ICA1: variants seen among roughly 807,000 people sequenced by gnomAD.
ICA1 encodes islet cell autoantigen 1.
In ICA1, 40 loss-of-function variants were observed where a neutral mutation model predicts 71.0. That is an observed-to-expected ratio of 0.56 (90% CI 0.44 to 0.73). The LOEUF is 0.73. Among genes scored for constraint, ICA1 ranks in the 30% least tolerant of loss-of-function variants. ICA1 has a pLI of 0.00. For synonymous variants in ICA1, 207 were observed against 209.5 expected, an observed-to-expected ratio of 0.99 and a Z score of 0.10; for missense variants, 578 against 576.5, an observed-to-expected ratio of 1.00 and a Z score of -0.03.
In ICA1 at chr7:8,135,657, T is replaced by C. The variant is rs140690410; in HGVS notation, c.1060+3183A>G. Reference sequence around the variant, plus strand: ...GGCTAAAAGTTTTCACCCACACCTATGGTACCTACTGAATGAGCTATTATT... The same window carrying C: ...GGCTAAAAGTTTTCACCCACACCTACGGTACCTACTGAATGAGCTATTATT... On this transcript the variant is annotated intron_variant, in intron 12 of 13. Coordinates refer to ENST00000402384, the MANE Select transcript of ICA1 (RefSeq NM_001136020.3). Among the ~76,000 whole-genome samples the C allele has an allele frequency of 4.9e-3, 744 of 152,320 alleles. 7 individuals carry two copies. The highest frequency in any genetic ancestry group is 0.017 in the African/African-American group (705 of 41,574).
rs1011360553 is a variant in ICA1, at chr7:8,232,445, A to G, written c.183+145T>C. Reference sequence around the variant, plus strand: ...TGTGAGAATTTGCAGGTTTTAATAAATATGCTGGGATTGAGTTTACCTAAT... The same window carrying G: ...TGTGAGAATTTGCAGGTTTTAATAAGTATGCTGGGATTGAGTTTACCTAAT... On this transcript the variant is annotated intron_variant, in intron 3 of 13. Transcript: ENST00000402384. 1.1e-5 allele frequency: 6 copies of G among 564,286 alleles called. No homozygotes were observed. In the African/African-American group the frequency reaches 1.2e-4, roughly 11 times the overall value. 35.0% of individuals were successfully genotyped at this position (564,286 alleles called of 1,614,324 possible). A position where few individuals can be genotyped will look rare whatever the true frequency, so the allele number is the denominator to read the frequency against.
intron 6 of ICA1, among the ~76,000 whole-genome samples, chr7:8,208,039 A>C (rs1792244196): frequency 6.6e-6 from 1 of 152,226 alleles, no homozygotes; most frequent in African/African-American, 2.4e-5. Context: ...AAAATAATTC[A>C]ATCATTAAAA....
intron 6 of ICA1, among the ~76,000 whole-genome samples, chr7:8,205,816 A>G (rs946109640): frequency 2.6e-5 from 4 of 151,554 alleles, no homozygotes; most frequent in African/African-American, 9.7e-5. Context: ...AGCACATTAA[A>G]CAGCATGAAT....
At position 8,194,282 on chromosome 7, in the gene ICA1, G is replaced by T. The variant is rs181577129; in HGVS notation, c.579+24023C>A. ...ATCTTTGGGGCGGTGGGGTTGGAGA[G>T]ACCAAATGTAATAAATGTTAATATC... On this transcript the variant is annotated intron_variant, in intron 6 of 13. Coordinates refer to ENST00000402384, the MANE Select transcript of ICA1 (RefSeq NM_001136020.3). Among the ~76,000 whole-genome samples the T allele has an allele frequency of 2.5e-3, 388 of 152,216 alleles. 7 individuals carry two copies. The highest frequency in any genetic ancestry group is 2.9e-4 in the Non-Finnish European group (20 of 68,014).
chr7:8,195,577 CA>C (rs1787185249), intron 6 of ICA1, among the ~76,000 whole-genome samples: 1 of 148,862 alleles, frequency 6.7e-6, no homozygotes, highest in South Asian at 2.1e-4. Flanking sequence ...AAAACAAAAA[CA>C]AAAACAAAAT....
intron 6 of ICA1, among the ~76,000 whole-genome samples, chr7:8,162,697 C>T (rs536963895): frequency 2.0e-5 from 3 of 152,080 alleles, no homozygotes; most frequent in South Asian, 4.1e-4. Flanking sequence ...AATAAATGTA[C>T]CCTTTATTTC....
rs528795754 is a variant in ICA1, at chr7:8,148,048, GCATCCTGTCTAGGACTGGTTCC to G, written c.805-4098_805-4077del. Among the ~76,000 whole-genome samples, 41 of 152,214 alleles carry G rather than the reference GCATCCTGTCTAGGACTGGTTCC, an allele frequency of 2.7e-4. No homozygotes were observed. In the East Asian group the frequency reaches 7.5e-3, roughly 28 times the overall value. On this transcript the variant is annotated intron_variant, in intron 8 of 13. Transcript: ENST00000402384. Reference sequence around the variant, plus strand: ...TGTCGGTGCGACCTGCTACGGGGTGGCATCCTGTCTAGGACTGGTTCCCATCCTGTGTCCTGAGCTGCTGGGA... The same window carrying G: ...TGTCGGTGCGACCTGCTACGGGGTGGCATCCTGTGTCCTGAGCTGCTGGGA...
At chr7:8,121,902 ATTAAAAG>A (rs1787110965) in intron 13 of ICA1, among the ~76,000 whole-genome samples, 1 of 152,222 alleles carries the variant, frequency 6.6e-6, no homozygotes, top group African/African-American at 2.4e-5. Flanking sequence ...TCCCACAGAA[ATTAAAAG>A]TTAAAATAAA....
intron 6 of ICA1, among the ~76,000 whole-genome samples, chr7:8,194,925 T>C (rs1302403690): frequency 6.6e-6 from 1 of 152,116 alleles, no homozygotes; most frequent in African/African-American, 2.4e-5. Flanking sequence ...GTTGAAATAA[T>C]AAAGCATTAA....
Position 8,234,493 on chromosome 7 carries a change from G to A in ICA1, c.17+1417C>T, listed in dbSNP as rs920757608. On this transcript the variant is annotated intron_variant, in intron 2 of 13. Coordinates refer to ENST00000402384, the MANE Select transcript of ICA1 (RefSeq NM_001136020.3). This position sits in a 1 kb window ranked among gnomAD's most constrained non-coding sequence, Gnocchi z 4.5. ...AAATGTGCCAGGCTTGTGCTGAAACGTGAGTTTGTTTATATGACTATATCA... is the reference window on the plus strand; with the variant it reads ...AAATGTGCCAGGCTTGTGCTGAAACATGAGTTTGTTTATATGACTATATCA... Among the ~76,000 whole-genome samples, 10 of 135,344 alleles carry A rather than the reference G, an allele frequency of 7.4e-5. No homozygotes were observed. Among genetic ancestry groups the A allele is most frequent in the East Asian group, 5.9e-4 (3 of 5,076 alleles). The allele number at this position is 135,344 out of a possible 152,430, so 88.8% of individuals were successfully genotyped here. A position where few individuals can be genotyped will look rare whatever the true frequency, so the allele number is the denominator to read the frequency against.
At chr7:8,239,268 A>G (rs1802923710) in intron 1 of ICA1, among the ~76,000 whole-genome samples, 2 of 152,224 alleles carry the variant, frequency 1.3e-5, no homozygotes, top group African/African-American at 4.8e-5. Context: ...CAGCATTTAA[A>G]TTGCTACTTT....
intron 8 of ICA1, among the ~76,000 whole-genome samples, chr7:8,154,892 C>T (rs938089741): frequency 2.0e-5 from 3 of 152,126 alleles, no homozygotes; most frequent in East Asian, 1.9e-4. Flanking sequence ...TGAGTTGTAT[C>T]GTAACAGGAT....
chr7:8,250,454 A>C (rs1359853794), intron 1 of ICA1, among the ~76,000 whole-genome samples: 1 of 152,228 alleles, frequency 6.6e-6, no homozygotes, highest in Non-Finnish European at 1.5e-5. Context: ...GCTAGGTATT[A>C]ATTAAAGTAA....
intron 13 of ICA1, among the ~76,000 whole-genome samples, chr7:8,119,702 C>T (rs1051115207): frequency 3.9e-5 from 6 of 152,168 alleles, no homozygotes; most frequent in East Asian, 1.9e-4. Flanking sequence ...AAAAATTAGC[C>T]GGGTGTGGTG....
chr7:8,126,062 G>A (rs969053579), intron 13 of ICA1, among the ~76,000 whole-genome samples: 1 of 152,226 alleles, frequency 6.6e-6, no homozygotes, highest in African/African-American at 2.4e-5. Context: ...CTCAGGAAGT[G>A]GGCGAGGAGC....
intron 1 of ICA1, among the ~76,000 whole-genome samples, chr7:8,243,063 T>C (rs567019681): frequency 1.4e-4 from 21 of 152,342 alleles, no homozygotes; most frequent in African/African-American, 5.1e-4. Flanking sequence ...TTAACTCATT[T>C]TATGAGGCCA....
At chr7:8,178,265 CA>C (rs1332950684) in intron 6 of ICA1, among the ~76,000 whole-genome samples, 4 of 152,258 alleles carry the variant, frequency 2.6e-5, no homozygotes, top group Admixed American at 6.5e-5. Context: ...TCTTGATTCC[CA>C]AAGTCTGATC....
At position 8,113,950 on chromosome 7, in the gene ICA1, A is replaced by G; in HGVS notation, c.1425T>C (p.Asp475=). The change falls in exon 14 of 14, where the codon GAT becomes GAC. Residue 475 remains aspartate (D), a synonymous_variant. Transcript: ENST00000402384. This position sits in a 1 kb window ranked among gnomAD's most constrained non-coding sequence, Gnocchi z 4.2. The part of the protein sequence containing the change: ...LSNPDAVGKT[D]KEHELLNA ...ATGCATTGAGCAATTCGTGTTCTTT[A>G]TCGGTTTTCCCAACAGCATCAGGAT... 2 of 1,614,120 alleles carry G rather than the reference A, an allele frequency of 1.2e-6. No homozygotes were observed. The highest frequency in any genetic ancestry group is 2.2e-5 in the South Asian group (2 of 91,082).
At chr7:8,180,019 T>C (rs1013099259) in intron 6 of ICA1, among the ~76,000 whole-genome samples, 1 of 152,062 alleles carries the variant, frequency 6.6e-6, no homozygotes, top group African/African-American at 2.4e-5. Flanking sequence ...TGCTTAGATT[T>C]TGTTGTTGTT....
Sources: allele counts gnomAD v4.1 joint callset (sites outside exome capture counted in the v4.1 genomes callset), GRCh38; gene constraint gnomAD v4.1.1; non-coding constraint Gnocchi (gnomAD v3.1); transcripts MANE v1.5; gene names NCBI Gene and HGNC (gene_info 2026-07-23, HGNC 2026-07-21).